RPF2: variants seen among roughly 807,000 people sequenced by gnomAD.
The protein encoded by RPF2 is brix domain containing 1.
A neutral mutation model predicts 38.9 loss-of-function variants in RPF2; 21 were observed. The ratio of observed to expected loss-of-function variants is 0.54; its 90% CI spans 0.38 to 0.78. The LOEUF (loss-of-function observed/expected upper bound fraction) is 0.78, where lower values mean the gene tolerates loss of function less well. Among genes scored for constraint, RPF2 ranks in the 30% least tolerant of loss-of-function variants. The pLI is 0.00. For missense variants in RPF2, 314 were observed against 358.1 expected, an observed-to-expected ratio of 0.88 and a Z score of 0.99; for synonymous variants, 121 against 126.2, an observed-to-expected ratio of 0.96 and a Z score of 0.28.
chr6:110,984,568 T>C (rs1193492267), intron 1 of RPF2, among the ~76,000 whole-genome samples: 1 of 152,144 alleles, frequency 6.6e-6, no homozygotes, highest in African/African-American at 2.4e-5. Context: ...TGGCCGGCCC[T>C]TGTGGCTCGC....
In RPF2 at chr6:111,027,271, T is replaced by C. The variant is rs1772348945; in HGVS notation, c.*1689T>C. 6.6e-6 allele frequency: 1 copy of C among 152,082 alleles called. No individual in the cohort carries two copies. The allele number at this position is 152,082 out of a possible 1,614,324, so 9.4% of individuals were successfully genotyped here. A position where few individuals can be genotyped will look rare whatever the true frequency, so the allele number is the denominator to read the frequency against. ...TGTTACTCTCCTCTTGCCAGAAAAA[T>C]GAAGGAGCTGGTATCATTTATACTT... On this transcript the variant is annotated 3_prime_UTR_variant, in exon 10 of 10. Transcript: ENST00000441448.
At chr6:110,988,728 TG>T (rs757841204) in intron 2 of RPF2, among the ~76,000 whole-genome samples, 3 of 152,214 alleles carry the variant, frequency 2.0e-5, no homozygotes, top group Non-Finnish European at 4.4e-5. Flanking sequence ...CCACTGCACC[TG>T]GAATTGTTTC....
intron 2 of RPF2, 53 bp from the exon 3 acceptor site, chr6:110,988,975 T>C: frequency 6.4e-7 from 1 of 1,568,328 alleles, no homozygotes; most frequent in Admixed American, 1.9e-5. Flanking sequence ...TTATTTTTAT[T>C]TCTGCTTTTC....
chr6:110,982,825 G>C (rs1771455618), intron 1 of RPF2, among the ~76,000 whole-genome samples: 1 of 152,184 alleles, frequency 6.6e-6, no homozygotes, highest in Non-Finnish European at 1.5e-5. Flanking sequence ...TTGCACACCT[G>C]CTATGCCTCT....
rs1194084923 is a variant in RPF2 at position 110,997,569 on chromosome 6, C to G, written c.316+305C>G. 2.6e-5 allele frequency among the ~76,000 whole-genome samples: 4 copies of G among 151,998 alleles called. No individual in the cohort carries two copies. The East Asian group carries it at 7.7e-4, about 29-fold the overall frequency. On this transcript the variant is annotated intron_variant, in intron 5 of 9. Coordinates refer to ENST00000441448, the MANE Select transcript of RPF2 (RefSeq NM_032194.3). Reference sequence around the variant, plus strand: ...CAGCCTGGCCAACATGGTGAAACCCCATCTCTACTAAAAATACAAAAATTA... The same window carrying G: ...CAGCCTGGCCAACATGGTGAAACCCGATCTCTACTAAAAATACAAAAATTA...
At position 110,994,732 on chromosome 6, in the gene RPF2, T is replaced by TACACAC. The variant is rs754731328; in HGVS notation, c.235-2450_235-2449insCACACA. On this transcript the variant is annotated intron_variant, in intron 4 of 9. Coordinates refer to ENST00000441448, the MANE Select transcript of RPF2 (RefSeq NM_032194.3). ...CTTTGTGGAGAATGGGATGAGTATA[T>TACACAC]ATACACACACACACACACACACACA... is the stretch of plus-strand genomic sequence containing the variant. Among the ~76,000 whole-genome samples the TACACAC allele has an allele frequency of 9.6e-3, 977 of 101,870 alleles. 10 individuals carry two copies. Among genetic ancestry groups the TACACAC allele is most frequent in the African/African-American group, 0.023 (540 of 23,226 alleles). The allele number at this position is 101,870 out of a possible 152,430, so 66.8% of individuals were successfully genotyped here.
intron 4 of RPF2, among the ~76,000 whole-genome samples, chr6:110,992,344 T>A (rs971738532): frequency 5.3e-5 from 8 of 152,062 alleles, no homozygotes; most frequent in African/African-American, 1.9e-4. Context: ...GAGTTGCATT[T>A]AAAGGACATA....
At chr6:110,990,960 C>T (rs1434669189) in intron 3 of RPF2, among the ~76,000 whole-genome samples, 1 of 152,122 alleles carries the variant, frequency 6.6e-6, no homozygotes, top group Admixed American at 6.6e-5. Context: ...ACAAAATTAT[C>T]TGGGTTCATC....
At chr6:111,017,670 A>C (rs1410583621) in intron 8 of RPF2, among the ~76,000 whole-genome samples, 14 of 142,750 alleles carry the variant, frequency 9.8e-5, no homozygotes, top group African/African-American at 3.8e-4. Flanking sequence ...CCGGGCAGAG[A>C]CACTCCTCAC....
chr6:111,024,036 G>A, intron 8 of RPF2, 147 bp from the exon 9 acceptor site: 1 of 629,606 alleles, frequency 1.6e-6, no homozygotes, highest in Non-Finnish European at 2.5e-6. Flanking sequence ...GATATACTTG[G>A]CTTGAATAGT....
At chr6:110,991,447 A>G (rs1209424991) in intron 3 of RPF2, among the ~76,000 whole-genome samples, 2 of 150,296 alleles carry the variant, frequency 1.3e-5, no homozygotes, top group East Asian at 2.0e-4. Context: ...AATACTGTCA[A>G]TCCGTGGTTG....
intron 7 of RPF2, among the ~76,000 whole-genome samples, chr6:111,011,964 G>A (rs1362555818): frequency 2.8e-4 from 43 of 152,008 alleles, no homozygotes; most frequent in Non-Finnish European, 7.4e-5. Flanking sequence ...TGAGTTTTCA[G>A]TATAAATATG....
intron 7 of RPF2, among the ~76,000 whole-genome samples, chr6:111,011,567 G>A (rs1772015054): frequency 2.0e-5 from 3 of 152,184 alleles, no homozygotes; most frequent in South Asian, 2.1e-4. Context: ...GAGATTATAG[G>A]TGTGATCCAC....
At chr6:110,985,603 T>A (rs1310597871) in intron 2 of RPF2, among the ~76,000 whole-genome samples, 2 of 152,152 alleles carry the variant, frequency 1.3e-5, no homozygotes, top group Admixed American at 6.6e-5. Flanking sequence ...TACACTGTGC[T>A]GTGCTGGAGG....
At chr6:111,010,696 T>C (rs577698892) in intron 7 of RPF2, among the ~76,000 whole-genome samples, 1 of 152,248 alleles carries the variant, frequency 6.6e-6, no homozygotes, top group African/African-American at 2.4e-5. Context: ...TTATATACTT[T>C]GCTGTAGATC....
At chr6:111,009,650 T>C (rs1186208282) in intron 7 of RPF2, among the ~76,000 whole-genome samples, 1 of 152,188 alleles carries the variant, frequency 6.6e-6, no homozygotes, top group Non-Finnish European at 1.5e-5. Context: ...ATTTGTGTAA[T>C]GAATATAAGG....
At chr6:111,013,589 T>C (rs1255921847) in intron 7 of RPF2, among the ~76,000 whole-genome samples, 1 of 152,228 alleles carries the variant, frequency 6.6e-6, no homozygotes, top group African/African-American at 2.4e-5. Flanking sequence ...TTCCATGTGC[T>C]TATTGTGTTC....
chr6:111,003,677 A>T (rs1203483530), intron 6 of RPF2, among the ~76,000 whole-genome samples: 1 of 152,110 alleles, frequency 6.6e-6, no homozygotes, highest in Non-Finnish European at 1.5e-5. Flanking sequence ...TTTTTAAATT[A>T]GCCTTGCTTG....
In RPF2 at chr6:111,016,828, C is replaced by A. The variant is rs368523070; in HGVS notation, c.596+972C>A. Among the ~76,000 whole-genome samples the A allele has an allele frequency of 3.1e-3, 469 of 151,398 alleles. 12 individuals are homozygous for A. In the East Asian group the frequency reaches 0.048, roughly 15 times the overall value. On this transcript the variant is annotated intron_variant, in intron 8 of 9. Coordinates refer to ENST00000441448, the MANE Select transcript of RPF2 (RefSeq NM_032194.3). ...TGGTTTTCCTAGGCAGAGGACCCTG[C>A]GGCCTTCCGCAGTGTTTGTGTCCCT...
Sources: allele counts gnomAD v4.1 joint callset (sites outside exome capture counted in the v4.1 genomes callset), GRCh38; gene constraint gnomAD v4.1.1; transcripts MANE v1.5; gene names NCBI Gene and HGNC (gene_info 2026-07-23, HGNC 2026-07-21).